PTPRG: variants seen among roughly 807,000 people sequenced by gnomAD.
PTPRG encodes the protein receptor-type tyrosine-protein phosphatase gamma.
In PTPRG, 102 loss-of-function variants were observed where a neutral mutation model predicts 165.3. That is an observed-to-expected ratio of 0.62 (90% confidence interval 0.53 to 0.73). The LOEUF (loss-of-function observed/expected upper bound fraction) is 0.73, where lower values mean the gene tolerates loss of function less well. PTPRG is among the 30% of genes least tolerant of loss of function. The probability of loss-of-function intolerance (pLI) is 0.00; values close to 1 mark genes in which losing one functional copy is unlikely to be tolerated. For synonymous variants in PTPRG, 675 were observed against 669.5 expected (o/e 1.01, Z -0.13); for missense variants, 1,866 against 1,861.4 (o/e 1.00, Z -0.05).
chr3:62,003,225 T>C (rs1240576962), intron 3 of PTPRG, 124 bp from the exon 4 acceptor site: 3 of 1,134,068 alleles, frequency 2.6e-6, no homozygotes, highest in Admixed American at 2.7e-5. Context: ...ACATATTTTT[T>C]CATAGGTACA....
chr3:61,583,579 T>G (rs1700358393), intron 1 of PTPRG, among the ~76,000 whole-genome samples: 1 of 152,238 alleles, frequency 6.6e-6, no homozygotes, highest in African/African-American at 2.4e-5. Flanking sequence ...GGACCTTTGC[T>G]ACTCTTTGGG....
intron 5 of PTPRG, among the ~76,000 whole-genome samples, chr3:62,114,252 T>G (rs1702778883): frequency 6.6e-6 from 1 of 151,988 alleles, no homozygotes; most frequent in Non-Finnish European, 1.5e-5. Flanking sequence ...TGAGCCAAGA[T>G]CGCACCACTA....
At chr3:62,241,703 C>G (rs147712555) in intron 14 of PTPRG, among the ~76,000 whole-genome samples, 1 of 152,192 alleles carries the variant, frequency 6.6e-6, no homozygotes, top group Admixed American at 6.5e-5. Flanking sequence ...AGTAACTTGG[C>G]CAATAACAAT....
At chr3:61,638,804 C>T (rs191713375) in intron 1 of PTPRG, among the ~76,000 whole-genome samples, 46 of 152,030 alleles carry the variant, frequency 3.0e-4, no homozygotes, top group East Asian at 1.9e-3. Context: ...CTTATAGATT[C>T]TGGATATTAG....
chr3:62,245,314 T>A lies in PTPRG; in HGVS notation c.2467+1416T>A, dbSNP rs1701265863. Reference sequence around the variant, plus strand: ...ATCAGCATGAAATAAGTAGTTTCATTGAATCTACTGGATTTGCACAATAGC... The same window carrying A: ...ATCAGCATGAAATAAGTAGTTTCATAGAATCTACTGGATTTGCACAATAGC... On this transcript the variant is annotated intron_variant, in intron 15 of 29. Coordinates refer to ENST00000474889, the MANE Select transcript of PTPRG (RefSeq NM_002841.4). The surrounding 1 kb of genome is among the most constrained non-coding windows in gnomAD (Gnocchi z 4.2). 6.6e-6 allele frequency among the ~76,000 whole-genome samples: 1 copy of A among 152,188 alleles called. No individual in the cohort carries two copies. Among genetic ancestry groups the A allele is most frequent in the Non-Finnish European group, 1.5e-5 (1 of 68,032 alleles).
chr3:62,143,624 A>G (rs560210951), intron 6 of PTPRG, among the ~76,000 whole-genome samples: 13 of 152,160 alleles, frequency 8.5e-5, no homozygotes, highest in African/African-American at 3.1e-4. Flanking sequence ...CTTGCATGCA[A>G]AGTAATCTCA....
chr3:62,174,619 GCAAA>G (rs1253137378), intron 8 of PTPRG, among the ~76,000 whole-genome samples: 1 of 152,150 alleles, frequency 6.6e-6, no homozygotes, highest in Non-Finnish European at 1.5e-5. Flanking sequence ...ATCCAAATTA[GCAAA>G]CAAAGAAGTA....
At chr3:61,958,207 A>G (rs563918726) in intron 2 of PTPRG, among the ~76,000 whole-genome samples, 5 of 151,930 alleles carry the variant, frequency 3.3e-5, no homozygotes, top group African/African-American at 4.8e-5. Flanking sequence ...GCTCACTGCA[A>G]CCTCTGCCTC....
In PTPRG at chr3:61,659,269, T is replaced by C. The variant is rs977672032; in HGVS notation, c.86-89609T>C. 93 of 976,072 alleles carry C rather than the reference T, an allele frequency of 9.5e-5. No homozygotes were observed. In the African/African-American group the frequency reaches 1.6e-3, roughly 17 times the overall value. 60.5% of individuals were successfully genotyped at this position (976,072 alleles called of 1,614,324 possible). A position where few individuals can be genotyped will look rare whatever the true frequency, so the allele number is the denominator to read the frequency against. On this transcript the variant is annotated intron_variant, in intron 1 of 29. Transcript: ENST00000474889. ...CAGGGCTTCATATAGGCATATACAA[T>C]GTATGTTTTCTTTCATCGACAAAGG...
In PTPRG at chr3:61,573,682, T is replaced by C. The variant is rs114550990; in HGVS notation, c.85+11310T>C. ...TGCTGTGTCTTTGGTGTGTCAGTAG[T>C]GGTAGTCATGTATGAGGGCTGACAG... is the stretch of plus-strand genomic sequence containing the variant. On this transcript the variant is annotated intron_variant, in intron 1 of 29. Transcript: ENST00000474889. 7.1e-3 allele frequency among the ~76,000 whole-genome samples: 1,078 copies of C among 152,248 alleles called. 17 individuals are homozygous for C. Among genetic ancestry groups the C allele is most frequent in the African/African-American group, 0.025 (1,018 of 41,530 alleles).
At chr3:62,075,897 T>G (rs1701364919) in intron 4 of PTPRG, among the ~76,000 whole-genome samples, 1 of 152,096 alleles carries the variant, frequency 6.6e-6, no homozygotes, top group Admixed American at 6.5e-5. Context: ...CTGTAAGGAG[T>G]ACCATCATTC....
intron 1 of PTPRG, among the ~76,000 whole-genome samples, chr3:61,657,648 C>T (rs1702544409): frequency 6.6e-6 from 1 of 152,102 alleles, no homozygotes; most frequent in Non-Finnish European, 1.5e-5. Flanking sequence ...TCATTGTGCC[C>T]TAGTGTCTCC....
At chr3:61,763,320 C>A (rs1192206657) in intron 2 of PTPRG, among the ~76,000 whole-genome samples, 1 of 152,050 alleles carries the variant, frequency 6.6e-6, no homozygotes, top group African/African-American at 2.4e-5. Context: ...TCACTGCAAC[C>A]TCCACCTCCT....
chr3:61,774,063 C>A (rs2076012215), intron 2 of PTPRG, among the ~76,000 whole-genome samples: 2 of 152,228 alleles, frequency 1.3e-5, no homozygotes, highest in Admixed American at 1.3e-4. Context: ...GTGTGAGCCA[C>A]TGTGCCAGCC....
At chr3:61,843,077 A>G (rs1352299325) in intron 2 of PTPRG, among the ~76,000 whole-genome samples, 1 of 152,220 alleles carries the variant, frequency 6.6e-6, no homozygotes, top group East Asian at 1.9e-4. Flanking sequence ...ACTTCATAGA[A>G]GAAGTTTTTT....
At chr3:61,752,785 C>CAAAAAAAAAAAAAAAAAAAAAAAAAAAA (rs749817659) in intron 2 of PTPRG, among the ~76,000 whole-genome samples, 2 of 69,990 alleles carry the variant, frequency 2.9e-5, no homozygotes, top group Non-Finnish European at 5.0e-5. Context: ...AAGACTGTCT[C>CAAAAAAAAAAAAAAAAAAAAAAAAAAAA]AAAAAAAAAA....
At chr3:61,935,414 G>A (rs140556275) in intron 2 of PTPRG, among the ~76,000 whole-genome samples, 83 of 152,174 alleles carry the variant, frequency 5.5e-4, no homozygotes, top group South Asian at 4.2e-3. Flanking sequence ...AATTACGCAC[G>A]TGCACACATA....
intron 1 of PTPRG, among the ~76,000 whole-genome samples, chr3:61,699,596 G>A (rs771664407): frequency 1.3e-5 from 2 of 152,266 alleles, no homozygotes; most frequent in Non-Finnish European, 1.5e-5. Flanking sequence ...TTCAGTGTCT[G>A]TTCCTTCCCC....
chr3:61,821,375 T>G (rs2035951907), intron 2 of PTPRG, among the ~76,000 whole-genome samples: 1 of 152,166 alleles, frequency 6.6e-6, no homozygotes, highest in African/African-American at 2.4e-5. Context: ...TTTACCGTGT[T>G]AGCCAGGATG....
Sources: allele counts gnomAD v4.1 joint callset (sites outside exome capture counted in the v4.1 genomes callset), GRCh38; gene constraint gnomAD v4.1.1; non-coding constraint Gnocchi (gnomAD v3.1); transcripts MANE v1.5; gene names NCBI Gene and HGNC (gene_info 2026-07-23, HGNC 2026-07-21).